The following CFAP46 variants were observed in gnomAD, a reference collection of about 807,000 sequenced individuals.
CFAP46 encodes the protein cilia- and flagella-associated protein 46.
Under a neutral mutation model 325.7 loss-of-function variants are expected in CFAP46, and 245 were observed. The observed-to-expected ratio is 0.75, with a 90% CI of 0.68 to 0.84. CFAP46 has a LOEUF of 0.84. Among genes scored for constraint, CFAP46 ranks in the 40% least tolerant of loss-of-function variants. The pLI, the probability that CFAP46 is intolerant of heterozygous loss-of-function variation, is 0.00. For missense variants in CFAP46, 3,346 were observed against 3,543.0 expected, an observed-to-expected ratio of 0.94 and a Z score of 1.41; for synonymous variants, 1,523 against 1,495.9, an observed-to-expected ratio of 1.02 and a Z score of -0.42.
chr10:132,819,256 CATAA>C (rs1275056059), intron 50 of CFAP46, among the ~76,000 whole-genome samples: 1 of 152,162 alleles, frequency 6.6e-6, no homozygotes, highest in African/African-American at 2.4e-5. Context: ...TTGAAGGAGA[CATAA>C]ATAAATGGGA....
intron 17 of CFAP46, among the ~76,000 whole-genome samples, chr10:132,913,856 C>T (rs934167782): frequency 1.1e-4 from 17 of 151,534 alleles, no homozygotes; most frequent in Non-Finnish European, 1.6e-4. Flanking sequence ...CGCCGGCCTG[C>T]GCGCTCCACC....
rs1006049486 is a variant in CFAP46 at position 132,909,242 on chromosome 10, G to A, written c.2652C>T (p.Gly884=). The A allele has an allele frequency of 3.7e-5, 58 of 1,549,540 alleles. No individual in the cohort carries two copies. The highest frequency in any genetic ancestry group is 4.8e-5 in the Non-Finnish European group (55 of 1,146,300). Residue 884 remains glycine (G), a splice_region_variant and synonymous_variant, in exon 21 of 58, where the codon GGC becomes GGT. Coordinates refer to ENST00000368586, the MANE Select transcript of CFAP46 (RefSeq NM_001200049.3). ...TCACCGAGCTGACATCCTCATTGGT[G>A]CCCTGGTGGGGAGGATGCCCTGAGT... is the stretch of plus-strand genomic sequence containing the variant. ...IGPRLGTEEQ[G]TNEDVSSVTR...
At chr10:132,932,345 C>T (rs558937708) in intron 8 of CFAP46, among the ~76,000 whole-genome samples, 3 of 147,406 alleles carry the variant, frequency 2.0e-5, no homozygotes, top group Admixed American at 1.3e-4. Flanking sequence ...CCCCACATTC[C>T]CCACATAGAG....
chr10:132,898,840 G>A (rs1353512284), intron 24 of CFAP46, 119 bp downstream of exon 24: 1 of 1,333,248 alleles, frequency 7.5e-7, no homozygotes, highest in Admixed American at 2.0e-5. Context: ...GGCTGGTGCT[G>A]GTGCACCCTC....
In CFAP46 at chr10:132,833,386, C is replaced by T; in HGVS notation, c.7089G>A (p.Leu2363=). 6.2e-7 allele frequency: 1 copy of T among 1,614,032 alleles called. No individual in the cohort carries two copies. The highest frequency in any genetic ancestry group is 8.5e-7 in the Non-Finnish European group (1 of 1,179,972). Residue 2363 remains leucine (L), a synonymous_variant, in exon 50 of 58, where the codon CTG becomes CTA. Coordinates refer to ENST00000368586, the MANE Select transcript of CFAP46 (RefSeq NM_001200049.3). ...SVSREFSLQM[L]WNRLHKEETE... is the part of the protein sequence containing the mutation. ...TCTCTTCTTTATGGAGGCGATTCCA[C>T]AGCATTTGAAGAGAAAATTCTCGTG...
chr10:132,856,458 T>C (rs182759671), intron 39 of CFAP46, among the ~76,000 whole-genome samples: 167 of 152,366 alleles, frequency 1.1e-3, no homozygotes, highest in African/African-American at 3.8e-3. Flanking sequence ...GGATTCCAAT[T>C]ACACCTATAT....
intron 33 of CFAP46, among the ~76,000 whole-genome samples, chr10:132,867,915 T>C (rs1175303829): frequency 6.6e-6 from 1 of 152,196 alleles, no homozygotes; most frequent in Non-Finnish European, 1.5e-5. Context: ...GTCTGCTACC[T>C]TCCCCTTCGC....
rs960718334 is a variant in CFAP46 at position 132,850,121 on chromosome 10, C to T, written c.5952+123G>A. On this transcript the variant is annotated intron_variant, in intron 41 of 57. Coordinates refer to ENST00000368586, the MANE Select transcript of CFAP46 (RefSeq NM_001200049.3). ...TTTCTTCCCTCACGCCTACTTCCTACATTTTTCTCTCTTCCTGGGGCCACT... is the reference window on the plus strand; with the variant it reads ...TTTCTTCCCTCACGCCTACTTCCTATATTTTTCTCTCTTCCTGGGGCCACT... The T allele has an allele frequency of 6.0e-6, 6 of 1,004,756 alleles. No individual in the cohort carries two copies. In the African/African-American group the frequency reaches 9.7e-5, roughly 16 times the overall value. 62.2% of individuals were successfully genotyped at this position (1,004,756 alleles called of 1,614,324 possible). A position where few individuals can be genotyped will look rare whatever the true frequency, so the allele number is the denominator to read the frequency against.
At position 132,902,059 on chromosome 10, in the gene CFAP46, C is replaced by T. The variant is rs1486296413; in HGVS notation, c.2925-2393G>A. Reference sequence around the variant, plus strand: ...CAGCAATGTGACTACAATTCCCCCACGATGGAGCCAGGTGTGGTTTTCTTT... The same window carrying T: ...CAGCAATGTGACTACAATTCCCCCATGATGGAGCCAGGTGTGGTTTTCTTT... On this transcript the variant is annotated intron_variant, in intron 22 of 57. Transcript: ENST00000368586. 6.6e-5 allele frequency among the ~76,000 whole-genome samples: 10 copies of T among 152,176 alleles called. No individual in the cohort carries two copies. The East Asian group carries it at 1.3e-3, about 20-fold the overall frequency.
chr10:132,915,428 G>A (rs757960862), intron 17 of CFAP46, among the ~76,000 whole-genome samples: 31 of 152,404 alleles, frequency 2.0e-4, no homozygotes, highest in African/African-American at 5.0e-4. Context: ...ACCTGCAGCC[G>A]TCATCGTCAT....
rs139462266 is a variant in CFAP46, at chr10:132,877,186, G to A, written c.4213-225C>T. ...GTGCACAGCCAGAGTTGGCCTGGGGGTGCCCAGGCTCAGGACTCCCGAGAG... is the reference window on the plus strand; with the variant it reads ...GTGCACAGCCAGAGTTGGCCTGGGGATGCCCAGGCTCAGGACTCCCGAGAG... On this transcript the variant is annotated intron_variant, in intron 30 of 57. Coordinates refer to ENST00000368586, the MANE Select transcript of CFAP46 (RefSeq NM_001200049.3). This position sits in a 1 kb window ranked among gnomAD's most constrained non-coding sequence, Gnocchi z 5.7. 9.9e-3 allele frequency among the ~76,000 whole-genome samples: 1,503 copies of A among 152,324 alleles called. 15 individuals carry two copies. Among genetic ancestry groups the A allele is most frequent in the South Asian group, 0.044 (210 of 4,822 alleles).
Position 132,808,655 on chromosome 10 carries a change from G to A in CFAP46, c.7914C>T (p.Gly2638=). 6.3e-7 allele frequency: 1 copy of A among 1,595,540 alleles called. No individual in the cohort carries two copies. The highest frequency in any genetic ancestry group is 8.5e-7 in the Non-Finnish European group (1 of 1,170,878). ...AGGCTGCACCAAGGGCTGGGGAGAG[G>A]CCCAGGAAGGGGAGAGCGAGCTGGG... ...PSSQLALPFL[G]LSPALGAASA... Residue 2638 remains glycine (G), a synonymous_variant, in exon 58 of 58, where the codon GGC becomes GGT. Transcript: ENST00000368586. This position sits in a 1 kb window ranked among gnomAD's most constrained non-coding sequence, Gnocchi z 6.8.
intron 50 of CFAP46, among the ~76,000 whole-genome samples, chr10:132,816,417 C>T (rs1488273546): frequency 2.0e-5 from 3 of 150,982 alleles, no homozygotes; most frequent in Admixed American, 1.3e-4. Context: ...CTGCAAGCTC[C>T]ACCTCCCGGG....
intron 50 of CFAP46, among the ~76,000 whole-genome samples, chr10:132,815,791 G>A (rs1289664857): frequency 6.6e-6 from 1 of 152,148 alleles, no homozygotes; most frequent in Non-Finnish European, 1.5e-5. Flanking sequence ...CAGGAAGTGG[G>A]GAGGAAGGGA....
rs1052661966 is a variant in CFAP46 at position 132,827,664 on chromosome 10, G to A, written c.7117+5694C>T. On this transcript the variant is annotated intron_variant, in intron 50 of 57. Coordinates refer to ENST00000368586, the MANE Select transcript of CFAP46 (RefSeq NM_001200049.3). The surrounding 1 kb of genome is among the most constrained non-coding windows in gnomAD (Gnocchi z 5.7). Reference sequence around the variant, plus strand: ...AACGTGACGGGACTGGACGCTGCACGCCAGCAAGTCATCGCCACAGCGAAG... The same window carrying A: ...AACGTGACGGGACTGGACGCTGCACACCAGCAAGTCATCGCCACAGCGAAG... 1.3e-5 allele frequency among the ~76,000 whole-genome samples: 2 copies of A among 152,008 alleles called. No homozygotes were observed. Among genetic ancestry groups the A allele is most frequent in the African/African-American group, 2.4e-5 (1 of 41,388 alleles).
At chr10:132,829,100 AC>A (rs1226723876) in intron 50 of CFAP46, among the ~76,000 whole-genome samples, 231 of 140,618 alleles carry the variant, frequency 1.6e-3, no homozygotes, top group South Asian at 3.5e-3. Context: ...AAAAAAAAAA[AC>A]ATCCTGTGGA....
At chr10:132,822,080 CAGTGA>C (rs1591033938) in intron 50 of CFAP46, among the ~76,000 whole-genome samples, 1 of 112,954 alleles carries the variant, frequency 8.9e-6, no homozygotes, top group East Asian at 3.0e-4. Flanking sequence ...GCTGTGTGTG[CAGTGA>C]TGTGTGCTGT....
At chr10:132,851,073 G>A (rs781343005) in intron 40 of CFAP46, 44 bp downstream of exon 40, 18 of 1,608,200 alleles carry the variant, frequency 1.1e-5, no homozygotes, top group African/African-American at 1.1e-4. Context: ...CTGCACTGTG[G>A]CCTGGCGCTC....
rs546455976 is a variant in CFAP46, at chr10:132,928,093, A to G, written c.967-1427T>C. Among the ~76,000 whole-genome samples, 348 of 151,764 alleles carry G rather than the reference A, an allele frequency of 2.3e-3. 2 individuals are homozygous for G. The highest frequency in any genetic ancestry group is 7.6e-3 in the African/African-American group (314 of 41,372). On this transcript the variant is annotated intron_variant, in intron 9 of 57. Transcript: ENST00000368586. The stretch of plus-strand genomic sequence containing the variant: ...GGCCACAGGAGCCTCCCTAACAGCG[A>G]CCCCACGTCAGCAGGGGCCCACCCG...
Sources: allele counts gnomAD v4.1 joint callset (sites outside exome capture counted in the v4.1 genomes callset), GRCh38; gene constraint gnomAD v4.1.1; non-coding constraint Gnocchi (gnomAD v3.1); transcripts MANE v1.5; gene names NCBI Gene and HGNC (gene_info 2026-07-23, HGNC 2026-07-21).